The following SNTG2 variants were observed in gnomAD, a reference collection of about 807,000 sequenced individuals.
SNTG2 encodes gamma-2-syntrophin.
SNTG2 carries 74 observed loss-of-function variants against 70.9 expected under a neutral mutation model. The ratio of observed to expected loss-of-function variants is 1.04; its 90% CI spans 0.86 to 1.27. The LOEUF is 1.27. SNTG2 is among the 50% of genes most tolerant of loss of function. The pLI is 0.00. For synonymous variants in SNTG2, 278 were observed against 273.8 expected, an observed-to-expected ratio of 1.02 and a Z score of -0.15; for missense variants, 717 against 690.7, an observed-to-expected ratio of 1.04 and a Z score of -0.43.
chr2:1,161,887 A>G (rs943185400), intron 6 of SNTG2, among the ~76,000 whole-genome samples: 2 of 152,100 alleles, frequency 1.3e-5, no homozygotes, highest in Non-Finnish European at 2.9e-5. Flanking sequence ...ATCCTGGCTA[A>G]CACGGTGAAA....
At position 1,222,130 on chromosome 2, in the gene SNTG2, T is replaced by TCTCTCTGG. The variant is rs1675237004; in HGVS notation, c.719+12904_719+12905insCTGGCTCT. Among the ~76,000 whole-genome samples the TCTCTCTGG allele has an allele frequency of 6.5e-5, 7 of 108,028 alleles. 1 individual carries two copies. The highest frequency in any genetic ancestry group is 4.9e-3 in the Middle Eastern group (1 of 206). 70.9% of individuals were successfully genotyped at this position (108,028 alleles called of 152,430 possible). A position where few individuals can be genotyped will look rare whatever the true frequency, so the allele number is the denominator to read the frequency against. ...GTCTCTCTCTGTCTCTCTCTGTCTC[T>TCTCTCTGG]CTCTGTCTCTCTCTGTCTCTGCCTA... On this transcript the variant is annotated intron_variant, in intron 9 of 16. Transcript: ENST00000308624.
chr2:1,267,284 G>T, intron 13 of SNTG2, 81 bp from the exon 14 acceptor site: 1 of 1,338,072 alleles, frequency 7.5e-7, no homozygotes, highest in Non-Finnish European at 1.0e-6. Context: ...CGCAAACGCT[G>T]CCTTCTCCCC....
intron 4 of SNTG2, chr2:1,102,810 C>T (rs1180833446): frequency 2.0e-5 from 3 of 152,432 alleles, no homozygotes; most frequent in Non-Finnish European, 4.4e-5. Flanking sequence ...GTGCCTGAGG[C>T]CTGAGTTAGG....
intron 1 of SNTG2, among the ~76,000 whole-genome samples, chr2:1,028,377 C>T (rs1171338523): frequency 6.6e-6 from 1 of 152,232 alleles, no homozygotes; most frequent in Non-Finnish European, 1.5e-5. Context: ...CTTACTGAAC[C>T]TTTAGAAATA....
At chr2:1,053,497 G>T (rs534925139) in intron 1 of SNTG2, among the ~76,000 whole-genome samples, 59 of 51,198 alleles carry the variant, frequency 1.2e-3, no homozygotes, top group African/African-American at 4.6e-3. Context: ...GCCCTTTGCA[G>T]CTAAGTTGTG....
intron 16 of SNTG2, among the ~76,000 whole-genome samples, chr2:1,327,532 C>A (rs1369743393): frequency 6.6e-6 from 1 of 152,068 alleles, no homozygotes; most frequent in East Asian, 1.9e-4. Flanking sequence ...AACTTTATCC[C>A]ATTTACAGCT....
intron 11 of SNTG2, among the ~76,000 whole-genome samples, chr2:1,241,230 TCA>T (rs1317260022): frequency 6.6e-6 from 1 of 152,324 alleles, no homozygotes; most frequent in Non-Finnish European, 1.5e-5. Context: ...TCCCTGTTTC[TCA>T]GTTTGTTCGT....
At chr2:1,160,997 TAAGG>T (rs995265399) in intron 6 of SNTG2, 2 of 152,254 alleles carry the variant, frequency 1.3e-5, no homozygotes, top group Admixed American at 6.5e-5. Flanking sequence ...GACTCCTTTC[TAAGG>T]AAGAAATGGA....
intron 4 of SNTG2, among the ~76,000 whole-genome samples, chr2:1,119,706 C>A (rs1667262910): frequency 6.6e-6 from 1 of 151,866 alleles, no homozygotes; most frequent in Admixed American, 6.6e-5. Flanking sequence ...GGAATCAAAG[C>A]TGAGCACCAC....
intron 4 of SNTG2, among the ~76,000 whole-genome samples, chr2:1,117,838 C>T (rs965598976): frequency 2.0e-5 from 3 of 152,240 alleles, no homozygotes; most frequent in Non-Finnish European, 4.4e-5. Context: ...CTGCCATGTC[C>T]TGCCATCCCT....
intron 1 of SNTG2, among the ~76,000 whole-genome samples, chr2:1,035,595 A>G (rs1395027958): frequency 6.6e-6 from 1 of 152,096 alleles, no homozygotes; most frequent in Non-Finnish European, 1.5e-5. Context: ...GGGTTTGCAT[A>G]TGGTGTTGGT....
At chr2:1,044,356 A>G (rs1484128879) in intron 1 of SNTG2, among the ~76,000 whole-genome samples, 1 of 151,970 alleles carries the variant, frequency 6.6e-6, no homozygotes, top group Admixed American at 6.6e-5. Flanking sequence ...GTGAAAAGAG[A>G]TAGGTTGACT....
intron 14 of SNTG2, among the ~76,000 whole-genome samples, chr2:1,296,515 G>C (rs1680224483): frequency 6.6e-6 from 1 of 152,168 alleles, no homozygotes; most frequent in African/African-American, 2.4e-5. Flanking sequence ...CCGTGTATTA[G>C]TAAAACTGAA....
chr2:1,012,294 G>A (rs542953834), intron 1 of SNTG2, among the ~76,000 whole-genome samples: 3 of 152,278 alleles, frequency 2.0e-5, no homozygotes, highest in South Asian at 2.1e-4. Flanking sequence ...TTGAAATAAC[G>A]TTGTTCATCT....
intron 6 of SNTG2, among the ~76,000 whole-genome samples, chr2:1,156,817 G>A (rs1434402007): frequency 6.6e-6 from 1 of 152,098 alleles, no homozygotes; most frequent in African/African-American, 2.4e-5. Context: ...CGGGCCTGCG[G>A]TGAAAGAGGA....
chr2:1,246,524 T>C (rs887799495), intron 11 of SNTG2, among the ~76,000 whole-genome samples: 1 of 152,252 alleles, frequency 6.6e-6, no homozygotes, highest in Non-Finnish European at 1.5e-5. Flanking sequence ...TAATAGCTCA[T>C]CGGTCAGTGT....
At chr2:1,244,651 G>C (rs534785012) in intron 11 of SNTG2, among the ~76,000 whole-genome samples, 11,713 of 126,936 alleles carry the variant, frequency 0.092, 526 homozygotes, top group Middle Eastern at 0.17. Context: ...AGCCAAGATT[G>C]CACCACTGCA....
chr2:1,018,110 T>C (rs1319837467), intron 1 of SNTG2, among the ~76,000 whole-genome samples: 2 of 152,196 alleles, frequency 1.3e-5, no homozygotes, highest in Non-Finnish European at 1.5e-5. Flanking sequence ...TGTTGTAGTA[T>C]GGTAACGAGC....
At chr2:980,407 A>G (rs1335897476) in intron 1 of SNTG2, among the ~76,000 whole-genome samples, 2 of 152,232 alleles carry the variant, frequency 1.3e-5, no homozygotes, top group Non-Finnish European at 1.5e-5. Context: ...TGTGTGGAAG[A>G]TAGTACTAGA....
Sources: allele counts gnomAD v4.1 joint callset (sites outside exome capture counted in the v4.1 genomes callset), GRCh38; gene constraint gnomAD v4.1.1; transcripts MANE v1.5; gene names NCBI Gene and HGNC (gene_info 2026-07-23, HGNC 2026-07-21).